NF2: variants seen among roughly 807,000 people sequenced by gnomAD.
The protein encoded by NF2 is merlin.
A neutral mutation model predicts 83.7 loss-of-function variants in NF2; 8 were observed. The observed-to-expected ratio is 0.10, with a 90% CI of 0.06 to 0.17. The LOEUF (loss-of-function observed/expected upper bound fraction) is 0.17, where lower values mean the gene tolerates loss of function less well. Among genes scored for constraint, NF2 ranks in the 10% least tolerant of loss-of-function variants. The probability of loss-of-function intolerance (pLI) is 1.00; values close to 1 mark genes in which losing one functional copy is unlikely to be tolerated. For synonymous variants in NF2, 266 were observed against 269.6 expected (o/e 0.99, Z 0.13); for missense variants, 533 against 744.4 (o/e 0.72, Z 3.31).
rs1423367233 is a variant in NF2, at chr22:29,678,231, C to T, written c.1482C>T (p.Asp494=). 1 of 1,614,016 alleles carries T rather than the reference C, an allele frequency of 6.2e-7. No individual in the cohort carries two copies. Among genetic ancestry groups the T allele is most frequent in the African/African-American group, 1.3e-5 (1 of 74,910 alleles). Residue 494 remains aspartate, a synonymous_variant, in exon 14 of 16, where the codon GAC becomes GAT. Transcript: ENST00000338641. ...MNPIPAPLPP[D]IPSFNLIGDS... ...CAATTCCAGCACCGTTGCCTCCTGA[C>T]ATACCAAGCTTCAACCTCATTGGTG... is the stretch of plus-strand genomic sequence containing the variant.
At position 29,681,585 on chromosome 22, in the gene NF2, A is replaced by G. The variant is rs1601666509; in HGVS notation, c.1721A>G (p.His574Arg). The change falls in exon 15 of 16, where the codon CAC becomes CGC. Residue 574 changes from histidine to arginine, a missense_variant. Coordinates refer to ENST00000338641, the MANE Select transcript of NF2 (RefSeq NM_000268.4). ...ENSDRGGSSK[H>R]NTIKKLTLQS... ...TCCGACAGGGGTGGCAGCAGCAAGC[A>G]CAATACCATTAAAAAGGTACCCAGG... 7 of 1,614,130 alleles carry G rather than the reference A, an allele frequency of 4.3e-6. No individual in the cohort carries two copies. Among genetic ancestry groups the G allele is most frequent in the Non-Finnish European group, 5.9e-6 (7 of 1,180,020 alleles).
intron 12 of NF2, 127 bp downstream of exon 12, chr22:29,673,613 G>T: frequency 1.9e-6 from 2 of 1,060,514 alleles, no homozygotes; most frequent in Admixed American, 2.1e-5. Flanking sequence ...CCGTGGGGAG[G>T]CTCCTCCTTG....
intron 4 of NF2, among the ~76,000 whole-genome samples, chr22:29,652,902 C>T (rs1447930809): frequency 6.6e-6 from 1 of 152,078 alleles, no homozygotes; most frequent in Non-Finnish European, 1.5e-5. Context: ...ATACCAAGGC[C>T]TTTCATTTAT....
intron 4 of NF2, among the ~76,000 whole-genome samples, chr22:29,648,131 AAAAT>A (rs56407600): frequency 0.39 from 56,367 of 145,174 alleles, 11,316 homozygotes; most frequent in Non-Finnish European, 0.47. Flanking sequence ...ACTCCATCTC[AAAAT>A]AAATAAATAA....
At chr22:29,662,782 AGCCCCCGCCTTTCAG>A (rs1309165056) in intron 8 of NF2, among the ~76,000 whole-genome samples, 4 of 152,216 alleles carry the variant, frequency 2.6e-5, no homozygotes, top group Non-Finnish European at 5.9e-5. Context: ...CTGATGCCAC[AGCCCCCGCCTTTCAG>A]GGAGGCCCAG....
At chr22:29,689,258 C>T (rs1162022856) in intron 15 of NF2, among the ~76,000 whole-genome samples, 1 of 151,472 alleles carries the variant, frequency 6.6e-6, no homozygotes, top group Non-Finnish European at 1.5e-5. Context: ...CCTTTACTGG[C>T]CCTTCCTCTT....
Position 29,641,720 on chromosome 22 carries a change from C to T in NF2, c.364-482C>T, listed in dbSNP as rs536079124. Among the ~76,000 whole-genome samples the T allele has an allele frequency of 3.3e-5, 5 of 152,322 alleles. No individual in the cohort carries two copies. In the East Asian group the frequency reaches 9.6e-4, roughly 29 times the overall value. ...TGAATCGATCAAATTTTATTGCTTC[C>T]TTTTCCCTTAGAGCAGCACGTTGAG... On this transcript the variant is annotated intron_variant, in intron 3 of 15. Transcript: ENST00000338641.
At chr22:29,605,610 A>C (rs556839902) in intron 1 of NF2, among the ~76,000 whole-genome samples, 13 of 152,290 alleles carry the variant, frequency 8.5e-5, no homozygotes, top group African/African-American at 2.9e-4. Flanking sequence ...CGCCTGGCCC[A>C]AAAATTCTTT....
intron 8 of NF2, among the ~76,000 whole-genome samples, chr22:29,662,789 G>C (rs1317543766): frequency 1.3e-5 from 2 of 152,206 alleles, no homozygotes; most frequent in Admixed American, 1.3e-4. Context: ...CACAGCCCCC[G>C]CCTTTCAGGG....
chr22:29,657,559 G>C (rs2066349384), intron 6 of NF2, among the ~76,000 whole-genome samples: 1 of 152,236 alleles, frequency 6.6e-6, no homozygotes, highest in Non-Finnish European at 1.5e-5. Context: ...GGAGATTGGA[G>C]AGAGAAGGAA....
At chr22:29,692,914 G>A (rs2067445934) in intron 15 of NF2, among the ~76,000 whole-genome samples, 1 of 152,232 alleles carries the variant, frequency 6.6e-6, no homozygotes. Context: ...TCACAGTGAG[G>A]AACTGAGGCT....
intron 15 of NF2, 76 bp downstream of exon 15, chr22:29,681,677 C>T: frequency 1.3e-6 from 2 of 1,565,804 alleles, no homozygotes; most frequent in Non-Finnish European, 1.8e-6. Context: ...ATCTGGTTTC[C>T]TCAGTAGCCA....
At chr22:29,624,317 C>T (rs956533804) in intron 1 of NF2, among the ~76,000 whole-genome samples, 7 of 152,290 alleles carry the variant, frequency 4.6e-5, no homozygotes, top group Middle Eastern at 6.8e-3. Context: ...AAGCGATTCT[C>T]GTGCCTCAGC....
At chr22:29,613,723 T>C (rs2065012385) in intron 1 of NF2, among the ~76,000 whole-genome samples, 2 of 151,976 alleles carry the variant, frequency 1.3e-5, no homozygotes, top group Admixed American at 6.6e-5. Flanking sequence ...TCTTGCTACA[T>C]GCCACAGACT....
intron 5 of NF2, among the ~76,000 whole-genome samples, chr22:29,655,268 T>C (rs762644238): frequency 5.3e-5 from 8 of 152,198 alleles, no homozygotes; most frequent in Non-Finnish European, 1.2e-4. Context: ...TCTGAGCATG[T>C]GAAGGCCTGA....
In NF2 at chr22:29,655,578, C is replaced by A. The variant is rs765595293; in HGVS notation, c.517-16C>A. 2 of 1,595,770 alleles carry A rather than the reference C, an allele frequency of 1.3e-6. No homozygotes were observed. The highest frequency in any genetic ancestry group is 1.7e-6 in the Non-Finnish European group (2 of 1,163,548). On this transcript the variant is annotated splice_polypyrimidine_tract_variant and intron_variant, in intron 5 of 15. Coordinates refer to ENST00000338641, the MANE Select transcript of NF2 (RefSeq NM_000268.4). ...CTTCATGTGTAGGTTTTTTATTTTG[C>A]TCTATTTTTTGGTAGGTAATAAATC...
chr22:29,645,784 AT>A (rs2065967779), intron 4 of NF2, among the ~76,000 whole-genome samples: 1 of 152,206 alleles, frequency 6.6e-6, no homozygotes, highest in Non-Finnish European at 1.5e-5. Context: ...GAACCAGCAG[AT>A]GTTTGCTTAA....
At chr22:29,685,750 TGA>T (rs1327120443) in intron 15 of NF2, among the ~76,000 whole-genome samples, 8 of 152,288 alleles carry the variant, frequency 5.3e-5, no homozygotes, top group Non-Finnish European at 1.0e-4. Context: ...TCTGCCTCAC[TGA>T]GAGGTCTCAG....
chr22:29,659,294 T>G (rs1261931087), intron 7 of NF2, among the ~76,000 whole-genome samples: 2 of 152,220 alleles, frequency 1.3e-5, no homozygotes, highest in African/African-American at 4.8e-5. Context: ...GCCACCTAGA[T>G]TCTAGAAAAC....
Sources: allele counts gnomAD v4.1 joint callset (sites outside exome capture counted in the v4.1 genomes callset), GRCh38; gene constraint gnomAD v4.1.1; transcripts MANE v1.5; gene names NCBI Gene and HGNC (gene_info 2026-07-23, HGNC 2026-07-21).